FHIT: variants seen among roughly 807,000 people sequenced by gnomAD.
FHIT encodes fragile histidine triad diadenosine triphosphatase.
A neutral mutation model predicts 17.9 loss-of-function variants in FHIT; 19 were observed. The ratio of observed to expected loss-of-function variants is 1.06; its 90% confidence interval spans 0.74 to 1.56. FHIT has a LOEUF of 1.56. FHIT is among the 40% of genes most tolerant of loss of function. The probability of loss-of-function intolerance (pLI) is 0.00; values close to 1 mark genes in which losing one functional copy is unlikely to be tolerated. For missense variants in FHIT, 248 were observed against 189.2 expected, an observed-to-expected ratio of 1.31 and a Z score of -1.82; for synonymous variants, 81 against 69.7, an observed-to-expected ratio of 1.16 and a Z score of -0.81.
At chr3:60,536,358 G>A (rs2035980490) in intron 5 of FHIT, 1 of 152,196 alleles carries the variant, frequency 6.6e-6, no homozygotes, top group Non-Finnish European at 1.5e-5. Flanking sequence ...AAATTTGTAA[G>A]TATATCTATA....
chr3:59,806,872 T>C (rs1027024916), intron 8 of FHIT, among the ~76,000 whole-genome samples: 1 of 152,040 alleles, frequency 6.6e-6, no homozygotes, highest in African/African-American at 2.4e-5. Flanking sequence ...ACAAGTGTAG[T>C]CCTCATATCA....
Position 59,752,197 on chromosome 3 carries a change from G to A in FHIT, c.*5+24C>T, listed in dbSNP as rs368983261. ...TCCTGAGGCCCACGGGAGGGTCTGG[G>A]TAATGACGAAATGCAGTCTTTACCT... On this transcript the variant is annotated intron_variant, in intron 9 of 9. Coordinates refer to ENST00000492590, the MANE Select transcript of FHIT (RefSeq NM_002012.4). 58 of 1,560,012 alleles carry A rather than the reference G, an allele frequency of 3.7e-5. No homozygotes were observed. The African/African-American group carries it at 7.5e-4, about 20-fold the overall frequency.
intron 5 of FHIT, among the ~76,000 whole-genome samples, chr3:60,108,917 C>A (rs1277985983): frequency 1.3e-5 from 2 of 152,162 alleles, no homozygotes; most frequent in Non-Finnish European, 2.9e-5. Flanking sequence ...CCCACTTCAA[C>A]CTCCCAAAGT....
chr3:60,431,946 C>G (rs557045656), intron 5 of FHIT, among the ~76,000 whole-genome samples: 13 of 152,092 alleles, frequency 8.5e-5, no homozygotes, highest in Admixed American at 8.5e-4. Flanking sequence ...TGACCTACAG[C>G]TCCTTGGCAG....
chr3:60,217,450 T>C (rs1164017437), intron 5 of FHIT, among the ~76,000 whole-genome samples: 11 of 152,224 alleles, frequency 7.2e-5, no homozygotes, highest in Non-Finnish European at 8.8e-5. Flanking sequence ...TTTCTTAAAC[T>C]GTTTTCCTAT....
In FHIT at chr3:59,824,675, G is replaced by A. The variant is rs548645032; in HGVS notation, c.349-72354C>T. ...CTTGATACTTCAAAAAGAATCACTT[G>A]CTAAAGGGAGAAGTGAGCCCCACCT... On this transcript the variant is annotated intron_variant, in intron 8 of 9. Transcript: ENST00000492590. Among the ~76,000 whole-genome samples the A allele has an allele frequency of 6.6e-5, 10 of 152,298 alleles. No individual in the cohort carries two copies. The East Asian group carries it at 1.9e-3, about 29-fold the overall frequency.
At chr3:60,584,229 T>C (rs1311863849) in intron 4 of FHIT, among the ~76,000 whole-genome samples, 2 of 152,062 alleles carry the variant, frequency 1.3e-5, no homozygotes, top group South Asian at 2.1e-4. Flanking sequence ...AAATTGGCCA[T>C]GGTGGGAGCA....
At chr3:60,661,904 GT>G (rs782810591) in intron 4 of FHIT, among the ~76,000 whole-genome samples, 1 of 151,588 alleles carries the variant, frequency 6.6e-6, no homozygotes, top group Admixed American at 6.6e-5. Flanking sequence ...GGGATTGTTT[GT>G]TTTTTTTCTT....
At chr3:61,054,179 A>C (rs1206584103) in intron 2 of FHIT, among the ~76,000 whole-genome samples, 2 of 152,120 alleles carry the variant, frequency 1.3e-5, no homozygotes, top group Non-Finnish European at 1.5e-5. Context: ...CAGGAAAAAC[A>C]CTTCTTACAG....
At chr3:60,682,489 C>T (rs1260928571) in intron 4 of FHIT, among the ~76,000 whole-genome samples, 14 of 152,298 alleles carry the variant, frequency 9.2e-5, no homozygotes, top group Non-Finnish European at 1.0e-4. Flanking sequence ...TGATACTACA[C>T]CAACTCTTCA....
At chr3:60,131,058 C>CATATAT (rs1559661588) in intron 5 of FHIT, among the ~76,000 whole-genome samples, 1 of 34,356 alleles carries the variant, frequency 2.9e-5, no homozygotes, top group Non-Finnish European at 5.7e-5. Context: ...TATATACATA[C>CATATAT]ATACACATGT....
intron 4 of FHIT, among the ~76,000 whole-genome samples, chr3:60,606,852 G>T (rs138828208): frequency 6.6e-6 from 1 of 152,060 alleles, no homozygotes; most frequent in Non-Finnish European, 1.5e-5. Flanking sequence ...CCTCCTGCCC[G>T]CATCTTGATT....
intron 4 of FHIT, among the ~76,000 whole-genome samples, chr3:60,769,666 G>A (rs1007258870): frequency 9.9e-5 from 15 of 152,220 alleles, no homozygotes; most frequent in African/African-American, 3.6e-4. Context: ...GAAACAGTGA[G>A]ATTGGTTACA....
intron 5 of FHIT, among the ~76,000 whole-genome samples, chr3:60,371,186 G>C (rs1700311823): frequency 6.6e-6 from 1 of 152,130 alleles, no homozygotes. Context: ...TCCTCTATTA[G>C]ACTGTAAATT....
chr3:60,960,187 T>A (rs1322315684), intron 3 of FHIT, among the ~76,000 whole-genome samples: 1 of 152,122 alleles, frequency 6.6e-6, no homozygotes, highest in African/African-American at 2.4e-5. Flanking sequence ...CCACCCTATC[T>A]AACACTTGGA....
At chr3:59,904,801 G>A (rs1704510163) in intron 8 of FHIT, among the ~76,000 whole-genome samples, 1 of 152,204 alleles carries the variant, frequency 6.6e-6, no homozygotes, top group Admixed American at 6.5e-5. Context: ...ACCTGAAGGT[G>A]AGAAAGTTCC....
chr3:60,570,606 T>G (rs1367937276), intron 4 of FHIT, among the ~76,000 whole-genome samples: 1 of 152,132 alleles, frequency 6.6e-6, no homozygotes, highest in African/African-American at 2.4e-5. Context: ...CACAGTTTGA[T>G]GCTTCTTAAA....
intron 7 of FHIT, among the ~76,000 whole-genome samples, chr3:59,977,738 G>A (rs983601978): frequency 6.6e-6 from 1 of 152,096 alleles, no homozygotes; most frequent in African/African-American, 2.4e-5. Flanking sequence ...AGGATTGAAT[G>A]AATTTATAAT....
At chr3:60,710,074 TAAAAA>T (rs782196858) in intron 4 of FHIT, among the ~76,000 whole-genome samples, 66 of 80,594 alleles carry the variant, frequency 8.2e-4, no homozygotes, top group Middle Eastern at 7.0e-3. Context: ...CACAGAATGC[TAAAAA>T]AAAAAAAAAA....
Sources: allele counts gnomAD v4.1 joint callset (sites outside exome capture counted in the v4.1 genomes callset), GRCh38; gene constraint gnomAD v4.1.1; transcripts MANE v1.5; gene names NCBI Gene and HGNC (gene_info 2026-07-23, HGNC 2026-07-21).